The following MBOAT7 variants were observed in gnomAD, a reference collection of about 807,000 sequenced individuals.
MBOAT7 encodes the protein membrane-bound acylglycerophosphatidylinositol O-acyltransferase MBOAT7.
MBOAT7 carries 40 observed loss-of-function variants against 47.4 expected under a neutral mutation model. That is an observed-to-expected ratio of 0.84 (90% CI 0.66 to 1.10). The LOEUF is 1.10. Ranked by LOEUF, MBOAT7 falls within the 50% of genes least tolerant of loss-of-function variation. The pLI, the probability that MBOAT7 is intolerant of heterozygous loss-of-function variation, is 0.00. For missense variants in MBOAT7, 680 were observed against 655.6 expected (o/e 1.04, Z -0.41); for synonymous variants, 361 against 292.0 (o/e 1.24, Z -2.41).
In MBOAT7 at chr19:54,183,549, G is replaced by A. The variant is rs2076345060; in HGVS notation, c.465C>T (p.Tyr155=). 1 of 1,608,248 alleles carries A rather than the reference G, an allele frequency of 6.2e-7. No individual in the cohort carries two copies. The highest frequency in any genetic ancestry group is 1.1e-5 in the South Asian group (1 of 89,896). Residue 155 remains tyrosine (Y), a synonymous_variant, in exon 5 of 8, where the codon TAC becomes TAT. Coordinates refer to ENST00000245615, the MANE Select transcript of MBOAT7 (RefSeq NM_024298.5). ...DVPSLMETLS[Y]SYCYVGIMTG... Reference sequence around the variant, plus strand: ...TCATGATTCCCACGTAGCAGTAGCTGTAGCTGAGTGTCTCCATCAGGGAGG... The same window carrying A: ...TCATGATTCCCACGTAGCAGTAGCTATAGCTGAGTGTCTCCATCAGGGAGG...
intron 5 of MBOAT7, 116 bp downstream of exon 5, chr19:54,183,405 C>A: frequency 1.6e-6 from 2 of 1,225,290 alleles, no homozygotes; most frequent in South Asian, 2.9e-5. Flanking sequence ...ACCCTCACAG[C>A]AGCAGATGCT....
At position 54,188,474 on chromosome 19, in the gene MBOAT7, AG is replaced by A; in HGVS notation, c.34del (p.Leu12PhefsTer18). ...GAAGCCGATGGGGATGGAGATAAGA[AG>A]AACCACTAGATACGTCCATTCTTCA... is the stretch of plus-strand genomic sequence containing the variant. ...SPEEWTYLVV[L>X]LISIPIGFLF... On this transcript the variant is annotated frameshift_variant, in exon 2 of 8. Coordinates refer to ENST00000245615, the MANE Select transcript of MBOAT7 (RefSeq NM_024298.5). LOFTEE classifies it high-confidence loss of function. The A allele has an allele frequency of 6.4e-7, 1 of 1,555,230 alleles. No individual in the cohort carries two copies. Among genetic ancestry groups the A allele is most frequent in the Non-Finnish European group, 8.7e-7 (1 of 1,148,564 alleles).
intron 7 of MBOAT7, 134 bp from the exon 8 acceptor site, chr19:54,174,565 G>T: frequency 1.1e-6 from 1 of 897,154 alleles, no homozygotes; most frequent in African/African-American, 1.8e-5. Flanking sequence ...TCCTCCCTCA[G>T]ACCCAGGAGT....
chr19:54,180,333 G>A lies in MBOAT7; in HGVS notation c.854+440C>T, dbSNP rs1245354759. 1 of 160,910 alleles carries A rather than the reference G, an allele frequency of 6.2e-6. No individual in the cohort carries two copies. The highest frequency in any genetic ancestry group is 2.4e-5 in the African/African-American group (1 of 41,662). The allele number at this position is 160,910 out of a possible 1,614,324, so 10.0% of individuals were successfully genotyped here. A position where few individuals can be genotyped will look rare whatever the true frequency, so the allele number is the denominator to read the frequency against. On this transcript the variant is annotated intron_variant, in intron 6 of 7. Transcript: ENST00000245615. This position sits in a 1 kb window ranked among gnomAD's most constrained non-coding sequence, Gnocchi z 5.2. ...GGTAAAAAGGAGGTGAGCTACTGTTGCTAGGGATCCTGCTTCCCTAGCAAA... is the reference window on the plus strand; with the variant it reads ...GGTAAAAAGGAGGTGAGCTACTGTTACTAGGGATCCTGCTTCCCTAGCAAA...
intron 7 of MBOAT7, among the ~76,000 whole-genome samples, chr19:54,175,083 C>T (rs927894161): frequency 6.6e-6 from 1 of 150,656 alleles, no homozygotes; most frequent in Non-Finnish European, 1.5e-5. Flanking sequence ...TCACGCCATT[C>T]TCCTGCCTCA....
At chr19:54,186,722 G>A (rs1001537831) in intron 4 of MBOAT7, among the ~76,000 whole-genome samples, 61 of 152,280 alleles carry the variant, frequency 4.0e-4, no homozygotes, top group East Asian at 1.4e-3. Flanking sequence ...GGTCTGGGGT[G>A]GGCCCTAGGA....
At chr19:54,182,277 A>C (rs1167070466) in intron 5 of MBOAT7, among the ~76,000 whole-genome samples, 1 of 152,048 alleles carries the variant, frequency 6.6e-6, no homozygotes, top group Non-Finnish European at 1.5e-5. Context: ...AATAAATAAG[A>C]CCACATGTTG....
At chr19:54,178,663 C>T in intron 7 of MBOAT7, 102 bp downstream of exon 7, 2 of 1,501,418 alleles carry the variant, frequency 1.3e-6, no homozygotes, top group Admixed American at 2.3e-5. Flanking sequence ...TCCCATGAGC[C>T]TCCGGGGGCA....
intron 5 of MBOAT7, 99 bp from the exon 6 acceptor site, chr19:54,181,232 G>A (rs1248959488): frequency 1.5e-6 from 2 of 1,374,592 alleles, no homozygotes; most frequent in Admixed American, 5.9e-5. Context: ...GGTGGGAAGA[G>A]GGAGTGAGAG....
At chr19:54,177,261 AAATT>A (rs2076134123) in intron 7 of MBOAT7, among the ~76,000 whole-genome samples, 2 of 152,052 alleles carry the variant, frequency 1.3e-5, no homozygotes, top group Admixed American at 6.6e-5. Flanking sequence ...AAATTAAATT[AAATT>A]AATAATTATT....
intron 7 of MBOAT7, 161 bp downstream of exon 7, chr19:54,178,604 T>C: frequency 2.1e-6 from 3 of 1,431,698 alleles, no homozygotes; most frequent in Middle Eastern, 2.6e-4. Flanking sequence ...ACCGGCATGC[T>C]GCCACTATAA....
chr19:54,174,726 A>G (rs144134970), intron 7 of MBOAT7, among the ~76,000 whole-genome samples: 2 of 142,422 alleles, frequency 1.4e-5, no homozygotes, highest in East Asian at 2.4e-4. Flanking sequence ...AGGAGACCAG[A>G]CCCCACCTCC....
At chr19:54,176,097 C>T (rs967565083) in intron 7 of MBOAT7, among the ~76,000 whole-genome samples, 4 of 152,102 alleles carry the variant, frequency 2.6e-5, no homozygotes, top group African/African-American at 4.8e-5. Context: ...CCTTGTGATC[C>T]ACCCACCTTG....
Position 54,174,217 on chromosome 19 carries a change from G to C in MBOAT7, c.1246C>G (p.Leu416Val). 3.1e-6 allele frequency: 5 copies of C among 1,600,832 alleles called. No homozygotes were observed. The highest frequency in any genetic ancestry group is 3.4e-6 in the Non-Finnish European group (4 of 1,171,718). Residue 416 changes from leucine (L) to valine (V), a missense_variant, in exon 8 of 8, where the codon CTG (leucine) becomes GTG (valine). Coordinates refer to ENST00000245615, the MANE Select transcript of MBOAT7 (RefSeq NM_024298.5). ...AYDYMCMGFV[L>V]LSLADTLRYW... ...CGAAGGGTGTCGGCCAAGGAGAGCAGCACGAAGCCCATGCACATGTAGTCA... is the reference window on the plus strand; with the variant it reads ...CGAAGGGTGTCGGCCAAGGAGAGCACCACGAAGCCCATGCACATGTAGTCA...
At chr19:54,188,140 G>C (rs1310725685) in intron 3 of MBOAT7, 77 bp downstream of exon 3, 12 of 1,457,198 alleles carry the variant, frequency 8.2e-6, no homozygotes, top group Non-Finnish European at 1.1e-5. Flanking sequence ...GGCAGAAGCT[G>C]AAAAAGACTC....
chr19:54,176,077 G>A (rs1356667803), intron 7 of MBOAT7, among the ~76,000 whole-genome samples: 4 of 151,974 alleles, frequency 2.6e-5, no homozygotes, highest in South Asian at 2.1e-4. Context: ...GGATGGTCTC[G>A]ATCTCCTGAC....
chr19:54,174,502 G>C, intron 7 of MBOAT7, 71 bp from the exon 8 acceptor site: 1 of 1,417,456 alleles, frequency 7.1e-7, no homozygotes. Flanking sequence ...AGATCCAGGA[G>C]TCCAGGACCC....
chr19:54,178,682 G>A, intron 7 of MBOAT7, 83 bp downstream of exon 7: 1 of 1,545,246 alleles, frequency 6.5e-7, no homozygotes, highest in East Asian at 2.3e-5. Context: ...CAGGGGCCCA[G>A]CCAGGGACGC....
chr19:54,173,793 A>T lies in MBOAT7; in HGVS notation c.*251T>A. ...GAAGTGCAGTGCTCTCTGGATACCCAGAAGCTGGAGCAGGGGCCAGTGACT... is the reference window on the plus strand; with the variant it reads ...GAAGTGCAGTGCTCTCTGGATACCCTGAAGCTGGAGCAGGGGCCAGTGACT... On this transcript the variant is annotated 3_prime_UTR_variant, in exon 8 of 8. Coordinates refer to ENST00000245615, the MANE Select transcript of MBOAT7 (RefSeq NM_024298.5). The T allele has an allele frequency of 2.2e-6, 1 of 458,728 alleles. No homozygotes were observed. Among genetic ancestry groups the T allele is most frequent in the Non-Finnish European group, 3.8e-6 (1 of 263,154 alleles). The allele number at this position is 458,728 out of a possible 1,614,324, so 28.4% of individuals were successfully genotyped here. A position where few individuals can be genotyped will look rare whatever the true frequency, so the allele number is the denominator to read the frequency against.
Sources: gnomAD v4.1 joint callset for allele counts (sites outside exome capture counted in the v4.1 genomes callset) on GRCh38, gnomAD v4.1.1 for gene constraint, Gnocchi (gnomAD v3.1) non-coding constraint, MANE v1.5 for transcripts, NCBI Gene and HGNC (gene_info 2026-07-23, HGNC 2026-07-21) for gene names.